The following HAO2 variants were observed in gnomAD, a reference collection of about 807,000 sequenced individuals.
HAO2 encodes the protein hydroxyacid oxidase 2, also known as 2-Hydroxyacid oxidase 2.
Under a neutral mutation model 37.4 loss-of-function variants are expected in HAO2, and 42 were observed. The ratio of observed to expected loss-of-function variants is 1.12; its 90% CI spans 0.88 to 1.45. The LOEUF (loss-of-function observed/expected upper bound fraction) is 1.45, where lower values mean the gene tolerates loss of function less well. Among genes scored for constraint, HAO2 ranks in the 40% most tolerant of loss-of-function variants. The probability of loss-of-function intolerance (pLI) is 0.00; values close to 1 mark genes in which losing one functional copy is unlikely to be tolerated. For missense variants in HAO2, 476 were observed against 430.2 expected (o/e 1.11, Z -0.94); for synonymous variants, 180 against 162.8 (o/e 1.11, Z -0.81).
In HAO2 at chr1:119,382,948, G is replaced by C. The variant is rs1557849267; in HGVS notation, c.165G>C (p.Val55=). 2 of 1,613,432 alleles carry C rather than the reference G, an allele frequency of 1.2e-6. No individual in the cohort carries two copies. The highest frequency in any genetic ancestry group is 3.3e-5 in the Admixed American group (2 of 60,020). Residue 55 remains valine, a synonymous_variant, in exon 3 of 8, where the codon GTG becomes GTC. Coordinates refer to ENST00000325945, the MANE Select transcript of HAO2 (RefSeq NM_016527.4). ...TCCGTCCGCGGTACCTGAGAGATGT[G>C]TCTGAGGTGGACACCAGAACCACAA... ...IRLRPRYLRD[V]SEVDTRTTIQ...
At chr1:119,390,568 G>A (rs1650801096) in intron 5 of HAO2, among the ~76,000 whole-genome samples, 1 of 152,176 alleles carries the variant, frequency 6.6e-6, no homozygotes, top group East Asian at 1.9e-4. Context: ...TTATGATGTT[G>A]TGAAAGAGAA....
intron 7 of HAO2, among the ~76,000 whole-genome samples, chr1:119,393,530 A>T (rs1651077231): frequency 6.6e-6 from 1 of 152,164 alleles, no homozygotes; most frequent in African/African-American, 2.4e-5. Flanking sequence ...TGATTTAGAA[A>T]ATGCTAAAAT....
intron 2 of HAO2, among the ~76,000 whole-genome samples, chr1:119,381,423 G>A (rs587705528): frequency 1.7e-4 from 26 of 152,282 alleles, no homozygotes; most frequent in African/African-American, 5.1e-4. Flanking sequence ...TTCTGTTATA[G>A]CCAGCATAAG....
chr1:119,376,351 TG>T (rs1341708633), intron 1 of HAO2, among the ~76,000 whole-genome samples: 1 of 152,264 alleles, frequency 6.6e-6, no homozygotes, highest in East Asian at 1.9e-4. Context: ...ATGCAAGAGG[TG>T]GGTTCCCATG....
intron 5 of HAO2, among the ~76,000 whole-genome samples, chr1:119,390,541 GC>G (rs1650798960): frequency 6.6e-6 from 1 of 152,198 alleles, no homozygotes; most frequent in Non-Finnish European, 1.5e-5. Context: ...GAGCCACTGT[GC>G]CCAGCTGGAA....
intron 5 of HAO2, among the ~76,000 whole-genome samples, chr1:119,391,029 T>A (rs1486782084): frequency 6.6e-6 from 1 of 152,166 alleles, no homozygotes; most frequent in African/African-American, 2.4e-5. Flanking sequence ...AAAAAATGCC[T>A]CTTATTAGAA....
At chr1:119,380,856 T>TTGGGAA (rs892574503) in intron 1 of HAO2, 6 of 725,822 alleles carry the variant, frequency 8.3e-6, no homozygotes, top group East Asian at 2.6e-5. Flanking sequence ...TAATCAGGAT[T>TTGGGAA]TGGGAATGGG....
chr1:119,373,788 G>C (rs1378874785), intron 1 of HAO2, among the ~76,000 whole-genome samples: 1 of 152,080 alleles, frequency 6.6e-6, no homozygotes, highest in Non-Finnish European at 1.5e-5. Flanking sequence ...GTTGAGAAGG[G>C]AATTTTCATT....
chr1:119,387,816 A>G (rs1650509595), intron 5 of HAO2, among the ~76,000 whole-genome samples: 2 of 152,186 alleles, frequency 1.3e-5, no homozygotes, highest in African/African-American at 4.8e-5. Context: ...TAAACAACAC[A>G]TCAGTGACTG....
chr1:119,370,766 T>C (rs72996216), intron 1 of HAO2, among the ~76,000 whole-genome samples: 2,737 of 152,250 alleles, frequency 0.018, 71 homozygotes, highest in African/African-American at 0.062. Context: ...GTCTGGGTAG[T>C]TGCCGTAGAC....
Position 119,384,984 on chromosome 1 carries a change from C to T in HAO2, c.492C>T (p.Asn164=). The T allele has an allele frequency of 6.2e-7, 1 of 1,613,884 alleles. No individual in the cohort carries two copies. Residue 164 remains asparagine, a synonymous_variant, in exon 4 of 8, where the codon AAC becomes AAT. Coordinates refer to ENST00000325945, the MANE Select transcript of HAO2 (RefSeq NM_016527.4). ...CTTTGGATACACCTGTATGTGGCAACAGGCGACATGACATTCGAAACCAGT... is the reference window on the plus strand; with the variant it reads ...CTTTGGATACACCTGTATGTGGCAATAGGCGACATGACATTCGAAACCAGT... The part of the protein sequence containing the change: ...VITLDTPVCG[N]RRHDIRNQLR...
In HAO2 at chr1:119,385,001, G is replaced by A. The variant is rs144704512; in HGVS notation, c.509G>A (p.Arg170Gln). The A allele has an allele frequency of 1.4e-5, 22 of 1,613,776 alleles. No homozygotes were observed. The highest frequency in any genetic ancestry group is 6.6e-5 in the South Asian group (6 of 91,062). Residue 170 changes from arginine to glutamine, a missense_variant, in exon 4 of 8, where the codon CGA becomes CAA. Arg to Gln is a conservative substitution (Grantham distance 43, BLOSUM62 1). Coordinates refer to ENST00000325945, the MANE Select transcript of HAO2 (RefSeq NM_016527.4). ...TGTGGCAACAGGCGACATGACATTC[G>A]AAACCAGTTGAGGAGGAACTTAACA... ...PVCGNRRHDI[R>Q]NQLRRNLTLT...
intron 5 of HAO2, among the ~76,000 whole-genome samples, chr1:119,389,018 A>ATATGATGTT (rs991829805): frequency 6.7e-6 from 1 of 149,080 alleles, no homozygotes; most frequent in African/African-American, 2.5e-5. Context: ...GAGTGAGAAT[A>ATATGATGTT]TATGATGTTT....
At chr1:119,372,559 G>A (rs1649115663) in intron 1 of HAO2, among the ~76,000 whole-genome samples, 3 of 152,224 alleles carry the variant, frequency 2.0e-5, no homozygotes, top group Non-Finnish European at 2.9e-5. Flanking sequence ...AATCGAGAAA[G>A]GAGGAAGAGG....
At chr1:119,384,335 G>A (rs145784237) in intron 3 of HAO2, among the ~76,000 whole-genome samples, 21 of 152,318 alleles carry the variant, frequency 1.4e-4, no homozygotes, top group Non-Finnish European at 2.2e-4. Context: ...GGTAGAACTA[G>A]CATTCTTCTA....
intron 3 of HAO2, 34 bp from the exon 4 acceptor site, chr1:119,384,742 C>T: frequency 6.2e-7 from 1 of 1,600,794 alleles, no homozygotes; most frequent in Non-Finnish European, 8.5e-7. Context: ...GAGGCCTCTG[C>T]CCTCCAGCCT....
At chr1:119,379,901 A>G (rs979450686) in intron 1 of HAO2, among the ~76,000 whole-genome samples, 1 of 152,174 alleles carries the variant, frequency 6.6e-6, no homozygotes, top group African/African-American at 2.4e-5. Context: ...TCCAGCCAAG[A>G]TTCCCAGCAC....
chr1:119,380,718 G>A (rs778066966), intron 1 of HAO2: 16 of 1,596,680 alleles, frequency 1.0e-5, no homozygotes, highest in Non-Finnish European at 1.4e-5. Context: ...TGGAGTGAAT[G>A]TGAAGGCAAG....
At chr1:119,392,387 C>T (rs1275998608) in intron 6 of HAO2, 119 bp downstream of exon 6, 2 of 887,736 alleles carry the variant, frequency 2.3e-6, no homozygotes, top group East Asian at 2.5e-5. Flanking sequence ...AGGATAGTTA[C>T]ACCTAAGCTG....
Sources: gnomAD v4.1 joint callset for allele counts (sites outside exome capture counted in the v4.1 genomes callset) on GRCh38, gnomAD v4.1.1 for gene constraint, MANE v1.5 for transcripts, NCBI Gene and HGNC (gene_info 2026-07-23, HGNC 2026-07-21) for gene names.